The following SGCZ variants were observed in gnomAD, a reference collection of about 807,000 sequenced individuals.
SGCZ encodes the protein sarcoglycan zeta.
A neutral mutation model predicts 41.3 loss-of-function variants in SGCZ; 40 were observed. The observed-to-expected ratio is 0.97, with a 90% CI of 0.75 to 1.26. The LOEUF is 1.26. SGCZ is among the 50% of genes most tolerant of loss of function. The pLI is 0.00. For missense variants in SGCZ, 552 were observed against 369.8 expected (o/e 1.49, Z -4.04); for synonymous variants, 206 against 137.5 (o/e 1.50, Z -3.49).
At chr8:14,878,198 CTT>C (rs540663370) in intron 1 of SGCZ, among the ~76,000 whole-genome samples, 4 of 141,810 alleles carry the variant, frequency 2.8e-5, no homozygotes, top group African/African-American at 5.1e-5. Context: ...TTCTTTTTTT[CTT>C]TTTTTTTTTT....
At chr8:15,136,331 T>C (rs1377738072) in intron 1 of SGCZ, among the ~76,000 whole-genome samples, 1 of 152,028 alleles carries the variant, frequency 6.6e-6, no homozygotes. Context: ...GAGATGGCAT[T>C]CTAGTGATAG....
chr8:14,603,136 G>A (rs2117318042), intron 1 of SGCZ, among the ~76,000 whole-genome samples: 1 of 152,264 alleles, frequency 6.6e-6, no homozygotes, highest in South Asian at 2.1e-4. Flanking sequence ...CAGGCTATGA[G>A]ATACTGCCAC....
At chr8:14,918,165 T>G (rs1296026299) in intron 1 of SGCZ, among the ~76,000 whole-genome samples, 1 of 152,178 alleles carries the variant, frequency 6.6e-6, no homozygotes, top group Non-Finnish European at 1.5e-5. Flanking sequence ...TATTTCTTTC[T>G]TCTCCATTTT....
intron 2 of SGCZ, among the ~76,000 whole-genome samples, chr8:14,483,976 C>T (rs13270616): frequency 0.91 from 137,646 of 152,050 alleles, 63,661 homozygotes; most frequent in East Asian, 1. Flanking sequence ...ACTTGGCATC[C>T]AGCCCATGAA....
At chr8:14,557,940 A>C (rs1398763871) in intron 1 of SGCZ, among the ~76,000 whole-genome samples, 4 of 152,300 alleles carry the variant, frequency 2.6e-5, no homozygotes, top group Middle Eastern at 3.4e-3. Flanking sequence ...CAAGAAAAGA[A>C]TAGCGAAGCT....
rs189167490 is a variant in SGCZ at position 14,512,708 on chromosome 8, T to C, written c.234+42024A>G. ...TTGAACCCCTGGTCTCAAGTAATCC[T>C]CATGCTTCAGCCTTCCAATGGGCTG... On this transcript the variant is annotated intron_variant, in intron 2 of 7. Transcript: ENST00000382080. Among the ~76,000 whole-genome samples, 1,374 of 151,942 alleles carry C rather than the reference T, an allele frequency of 9.0e-3. 14 individuals carry two copies. Among genetic ancestry groups the C allele is most frequent in the Middle Eastern group, 0.014 (4 of 294 alleles).
chr8:14,536,241 T>C (rs1348845071), intron 2 of SGCZ, among the ~76,000 whole-genome samples: 2 of 151,812 alleles, frequency 1.3e-5, no homozygotes, highest in Non-Finnish European at 2.9e-5. Flanking sequence ...ATGGCATAGA[T>C]AAAAGAAACA....
chr8:15,222,559 C>T (rs986316267), intron 1 of SGCZ, among the ~76,000 whole-genome samples: 8 of 152,142 alleles, frequency 5.3e-5, no homozygotes, highest in Non-Finnish European at 8.8e-5. Context: ...CAGTAGTTGT[C>T]TATCAGAGAA....
At chr8:14,846,838 G>A (rs1174243299) in intron 1 of SGCZ, among the ~76,000 whole-genome samples, 1 of 151,974 alleles carries the variant, frequency 6.6e-6, no homozygotes, top group Admixed American at 6.6e-5. Flanking sequence ...GGGAGGCCGA[G>A]TCGGGTGGAT....
chr8:14,928,286 G>T (rs1799821305), intron 1 of SGCZ, among the ~76,000 whole-genome samples: 1 of 152,110 alleles, frequency 6.6e-6, no homozygotes, highest in South Asian at 2.1e-4. Flanking sequence ...CATACGCCAT[G>T]GAATTTCTCA....
At chr8:14,455,130 G>A (rs1800705420) in intron 2 of SGCZ, among the ~76,000 whole-genome samples, 1 of 152,086 alleles carries the variant, frequency 6.6e-6, no homozygotes, top group Non-Finnish European at 1.5e-5. Flanking sequence ...TACCATGGTT[G>A]AAGGGCTAAT....
chr8:14,562,136 T>C (rs1051794262), intron 1 of SGCZ, among the ~76,000 whole-genome samples: 3 of 152,124 alleles, frequency 2.0e-5, no homozygotes, highest in East Asian at 1.9e-4. Flanking sequence ...CCTTAGTCCC[T>C]TGCCTCACGT....
chr8:14,160,873 C>G (rs903173333), intron 5 of SGCZ, among the ~76,000 whole-genome samples: 1 of 152,166 alleles, frequency 6.6e-6, no homozygotes, highest in Non-Finnish European at 1.5e-5. Flanking sequence ...AGACACATCC[C>G]TTGTCTAAAT....
At chr8:14,093,119 A>G (rs1801739230) in intron 7 of SGCZ, among the ~76,000 whole-genome samples, 1 of 152,070 alleles carries the variant, frequency 6.6e-6, no homozygotes, top group Non-Finnish European at 1.5e-5. Flanking sequence ...TTCCACTGAT[A>G]TATAGCTTAT....
intron 2 of SGCZ, among the ~76,000 whole-genome samples, chr8:14,439,311 A>ATATG (rs1491222137): frequency 2.0e-5 from 1 of 50,758 alleles, no homozygotes; most frequent in Admixed American, 2.3e-4. Context: ...GAAGAAAGAA[A>ATATG]TATATATATA....
At chr8:14,305,212 T>C (rs1563246797) in intron 3 of SGCZ, among the ~76,000 whole-genome samples, 1 of 152,172 alleles carries the variant, frequency 6.6e-6, no homozygotes, top group Non-Finnish European at 1.5e-5. Flanking sequence ...TCTACCAATA[T>C]AACTATCATA....
chr8:15,212,232 A>G (rs1801257210), intron 1 of SGCZ, among the ~76,000 whole-genome samples: 1 of 152,140 alleles, frequency 6.6e-6, no homozygotes, highest in Admixed American at 6.5e-5. Flanking sequence ...AGTTGTTCTT[A>G]TAATGATTTA....
At chr8:14,595,712 G>T (rs547759546) in intron 1 of SGCZ, among the ~76,000 whole-genome samples, 6 of 152,120 alleles carry the variant, frequency 3.9e-5, no homozygotes, top group Non-Finnish European at 8.8e-5. Flanking sequence ...GTCCTTGGTA[G>T]AATGCCTTCA....
chr8:14,988,916 G>C (rs966487321), intron 1 of SGCZ, among the ~76,000 whole-genome samples: 5 of 152,068 alleles, frequency 3.3e-5, no homozygotes, highest in African/African-American at 9.7e-5. Flanking sequence ...GGGGAGGGGG[G>C]GCATTGATTA....
Sources: gnomAD v4.1 joint callset for allele counts (sites outside exome capture counted in the v4.1 genomes callset) on GRCh38, gnomAD v4.1.1 for gene constraint, MANE v1.5 for transcripts, NCBI Gene and HGNC (gene_info 2026-07-23, HGNC 2026-07-21) for gene names.